The following SRD5A3 variants were observed in gnomAD, a reference collection of about 807,000 sequenced individuals.
The protein encoded by SRD5A3 is polyprenal reductase.
A neutral mutation model predicts 34.3 loss-of-function variants in SRD5A3; 24 were observed. The observed-to-expected ratio is 0.70, with a 90% CI of 0.51 to 0.99. The LOEUF is 0.99. Ranked by LOEUF, SRD5A3 falls within the 50% of genes least tolerant of loss-of-function variation. The pLI, the probability that SRD5A3 is intolerant of heterozygous loss-of-function variation, is 0.00. For synonymous variants in SRD5A3, 161 were observed against 167.3 expected, an observed-to-expected ratio of 0.96 and a Z score of 0.29; for missense variants, 350 against 388.2, an observed-to-expected ratio of 0.90 and a Z score of 0.83.
intron 2 of SRD5A3, among the ~76,000 whole-genome samples, chr4:55,361,204 G>A (rs952261987): frequency 2.0e-5 from 3 of 152,010 alleles, no homozygotes; most frequent in Non-Finnish European, 2.9e-5. Flanking sequence ...AACCCCGGCC[G>A]GGTGTGGTGG....
intron 2 of SRD5A3, among the ~76,000 whole-genome samples, chr4:55,362,795 T>C (rs1252699878): frequency 6.6e-6 from 1 of 151,708 alleles, no homozygotes; most frequent in Non-Finnish European, 1.5e-5. Flanking sequence ...GTTAATTAAG[T>C]TGCATCTTTA....
At position 55,369,878 on chromosome 4, in the gene SRD5A3, T is replaced by C; in HGVS notation, c.744T>C (p.Phe248=). The change falls in exon 5 of 5, where the codon TTT becomes TTC. Residue 248 remains phenylalanine, a synonymous_variant. Coordinates refer to ENST00000264228, the MANE Select transcript of SRD5A3 (RefSeq NM_024592.5). ...ACAGGATCCCATTTGGAGACTGGTT[T>C]GAATATGTTTCTTCCCCTAACTACT... The part of the protein sequence containing the change: ...CNHRIPFGDW[F]EYVSSPNYLA... 6.2e-7 allele frequency: 1 copy of C among 1,614,182 alleles called. No homozygotes were observed. Among genetic ancestry groups the C allele is most frequent in the Non-Finnish European group, 8.5e-7 (1 of 1,180,034 alleles).
In SRD5A3 at chr4:55,370,431, TCACACACACACACACACACA is replaced by T. The variant is rs3034886; in HGVS notation, c.*363_*382del. 6.2e-3 allele frequency: 1,403 copies of T among 225,932 alleles called. 14 individuals are homozygous for T. Among genetic ancestry groups the T allele is most frequent in the African/African-American group, 0.033 (1,320 of 40,580 alleles). The allele number at this position is 225,932 out of a possible 1,614,324, so 14.0% of individuals were successfully genotyped here. On this transcript the variant is annotated 3_prime_UTR_variant, in exon 5 of 5. Coordinates refer to ENST00000264228, the MANE Select transcript of SRD5A3 (RefSeq NM_024592.5). ...AAAAACCGAAAATATACAAACAGCT[TCACACACACACACACACACA>T]CACACACACACACACACACACAAAG...
chr4:55,366,852 G>C (rs902081403), intron 3 of SRD5A3: 1 of 152,430 alleles, frequency 6.6e-6, no homozygotes, highest in Non-Finnish European at 1.5e-5. Context: ...GGTTTGCTCC[G>C]CAGGTCCTCA....
intron 1 of SRD5A3, 144 bp from the exon 2 acceptor site, chr4:55,359,202 A>T: frequency 8.8e-7 from 1 of 1,140,398 alleles, no homozygotes; most frequent in Non-Finnish European, 1.3e-6. Context: ...GAACACCTAT[A>T]GGATTCAGAT....
intron 1 of SRD5A3, chr4:55,352,218 C>T (rs1331535161): frequency 5.2e-6 from 5 of 965,690 alleles, no homozygotes; most frequent in Admixed American, 1.7e-5. Context: ...GTAAGGTGGG[C>T]CCAGCTGTGT....
At position 55,346,576 on chromosome 4, in the gene SRD5A3, C is replaced by G. The variant is rs562857447; in HGVS notation, c.221+19C>G. 5.1e-6 allele frequency: 8 copies of G among 1,561,200 alleles called. No individual in the cohort carries two copies. In the African/African-American group the frequency reaches 7.1e-5, roughly 14 times the overall value. On this transcript the variant is annotated intron_variant, in intron 1 of 4. Transcript: ENST00000264228. ...CCAAGAGGTAACCGCGCCCCGGTCC[C>G]GAGCCGCGGTGGTCAAGGCGCTGAG...
chr4:55,355,456 T>TG (rs1371996727), intron 1 of SRD5A3, among the ~76,000 whole-genome samples: 1 of 142,008 alleles, frequency 7.0e-6, no homozygotes, highest in East Asian at 2.0e-4. Flanking sequence ...AGACTCCGTC[T>TG]GAAAAAAAAA....
In SRD5A3 at chr4:55,346,725, C is replaced by G. The variant is rs181735394; in HGVS notation, c.221+168C>G. ...TCCCTCGGCCTGGCCCCGGCCATGC[C>G]CCGGCTGCTGCGTGGCTCCGGGGAG... On this transcript the variant is annotated intron_variant, in intron 1 of 4. Coordinates refer to ENST00000264228, the MANE Select transcript of SRD5A3 (RefSeq NM_024592.5). 0.012 allele frequency among the ~76,000 whole-genome samples: 1,832 copies of G among 152,240 alleles called. 43 individuals are homozygous for G. The highest frequency in any genetic ancestry group is 0.041 in the African/African-American group (1,699 of 41,550).
At chr4:55,357,464 G>C (rs564837585) in intron 1 of SRD5A3, among the ~76,000 whole-genome samples, 3 of 152,304 alleles carry the variant, frequency 2.0e-5, no homozygotes, top group East Asian at 3.9e-4. Flanking sequence ...CATAACCTGG[G>C]GTCAGTTGTG....
Position 55,346,384 on chromosome 4 carries a change from C to T in SRD5A3, c.48C>T (p.Arg16=). The T allele has an allele frequency of 6.4e-7, 1 of 1,573,416 alleles. No homozygotes were observed. Among genetic ancestry groups the T allele is most frequent in the Non-Finnish European group, 8.6e-7 (1 of 1,162,412 alleles). ...EAEHSALNPL[R]AVWLTLTAAF... is the part of the protein sequence containing the mutation. ...AGCACTCGGCGCTGAACCCGCTGCG[C>T]GCGGTGTGGCTCACGCTGACCGCCG... Residue 16 remains arginine, a synonymous_variant, in exon 1 of 5, where the codon CGC becomes CGT. Coordinates refer to ENST00000264228, the MANE Select transcript of SRD5A3 (RefSeq NM_024592.5).
In SRD5A3 at chr4:55,369,764, C is replaced by G. The variant is rs819268; in HGVS notation, c.698-68C>G. On this transcript the variant is annotated intron_variant, in intron 4 of 4. Coordinates refer to ENST00000264228, the MANE Select transcript of SRD5A3 (RefSeq NM_024592.5). ...AAAAAAAAATTCTGTAAATGATTTG[C>G]GAGTGAAGTGGTGAAACTTTCTTTT... The G allele has an allele frequency of 0.29, 455,244 of 1,561,734 alleles. 67,927 individuals are homozygous for G. The highest frequency in any genetic ancestry group is 0.39 in the South Asian group (33,687 of 85,650).
chr4:55,370,077 C>T lies in SRD5A3; in HGVS notation c.943C>T (p.Pro315Ser), dbSNP rs750597249. The T allele has an allele frequency of 1.4e-5, 23 of 1,613,586 alleles. No homozygotes were observed. In the South Asian group the frequency reaches 2.5e-4, roughly 18 times the overall value. The change falls in exon 5 of 5, where the codon CCA becomes TCA. Residue 315 changes from proline to serine, a missense_variant. By Grantham distance (74) the Pro-to-Ser change is moderately conservative. Transcript: ENST00000264228. ...SYPKHRKAFLPFLF is the reference protein window; with the variant it reads ...SYPKHRKAFLSFLF ...CCCGAAGCATAGGAAAGCTTTCCTA[C>T]CATTTTTGTTTTAAGTTAACCTCAG...
intron 3 of SRD5A3, chr4:55,364,577 G>A (rs753507543): frequency 3.0e-4 from 111 of 366,736 alleles, no homozygotes; most frequent in African/African-American, 4.2e-4. Flanking sequence ...TTAGCCAGGC[G>A]TGGTGGCACA....
At chr4:55,348,801 T>C (rs1410188380) in intron 1 of SRD5A3, among the ~76,000 whole-genome samples, 1 of 152,240 alleles carries the variant, frequency 6.6e-6, no homozygotes, top group Non-Finnish European at 1.5e-5. Flanking sequence ...GGGTGGTACC[T>C]GAACCCTGCC....
In SRD5A3 at chr4:55,365,139, C is replaced by CT. The variant is rs780902651; in HGVS notation, c.562+868_562+869insT. Among the ~76,000 whole-genome samples the CT allele has an allele frequency of 4.1e-3, 622 of 152,296 alleles. 4 individuals are homozygous for CT. Among genetic ancestry groups the CT allele is most frequent in the African/African-American group, 0.014 (586 of 41,556 alleles). On this transcript the variant is annotated intron_variant, in intron 3 of 4. Transcript: ENST00000264228. ...CTGACCTTGCAGCCTTAGTATCTGT[C>CT]AGTCTAGACCCCGTAGGTCTGTAAT...
rs183998349 is a variant in SRD5A3 at position 55,364,611 on chromosome 4, G to A, written c.562+340G>A. ...CACGCCTGTAGTCCCAGCTACTGGG[G>A]AGGCTGAGGCAGGAGAATTGCTTGA... On this transcript the variant is annotated intron_variant, in intron 3 of 4. Transcript: ENST00000264228. The A allele has an allele frequency of 1.3e-5, 4 of 315,164 alleles. No individual in the cohort carries two copies. In the East Asian group the frequency reaches 3.2e-4, roughly 25 times the overall value. The allele number at this position is 315,164 out of a possible 1,614,324, so 19.5% of individuals were successfully genotyped here.
Position 55,349,988 on chromosome 4 carries a change from T to G in SRD5A3, c.221+3431T>G, listed in dbSNP as rs377374013. Among the ~76,000 whole-genome samples, 50 of 152,178 alleles carry G rather than the reference T, an allele frequency of 3.3e-4. 1 individual carries two copies. In the South Asian group the frequency reaches 9.7e-3, roughly 30 times the overall value. On this transcript the variant is annotated intron_variant, in intron 1 of 4. Transcript: ENST00000264228. ...TTTTATATTACATTAAGAATATTGATGATACCTCAAAATATTACTGTTTTC... is the reference window on the plus strand; with the variant it reads ...TTTTATATTACATTAAGAATATTGAGGATACCTCAAAATATTACTGTTTTC...
intron 1 of SRD5A3, 130 bp downstream of exon 1, chr4:55,346,687 C>T (rs1476521587): frequency 7.4e-6 from 6 of 808,714 alleles, no homozygotes; most frequent in Non-Finnish European, 1.1e-5. Flanking sequence ...GGTTCCCGGG[C>T]GCAGCACGGC....
Sources: gnomAD v4.1 joint callset for allele counts (sites outside exome capture counted in the v4.1 genomes callset) on GRCh38, gnomAD v4.1.1 for gene constraint, MANE v1.5 for transcripts, NCBI Gene and HGNC (gene_info 2026-07-23, HGNC 2026-07-21) for gene names.